Variants in NEGR1 observed in about 807,000 individuals in gnomAD.
NEGR1 encodes neuronal growth regulator 1.
Under a neutral mutation model 40.9 loss-of-function variants are expected in NEGR1, and 10 were observed. The observed-to-expected ratio is 0.24, with a 90% CI of 0.15 to 0.42. The LOEUF (loss-of-function observed/expected upper bound fraction) is 0.42, where lower values mean the gene tolerates loss of function less well. Among genes scored for constraint, NEGR1 ranks in the 10% least tolerant of loss-of-function variants. The pLI is 1.00. For synonymous variants in NEGR1, 185 were observed against 166.8 expected, an observed-to-expected ratio of 1.11 and a Z score of -0.84; for missense variants, 352 against 438.9, an observed-to-expected ratio of 0.80 and a Z score of 1.77.
chr1:71,454,818 CAA>C (rs1264053101), intron 6 of NEGR1, among the ~76,000 whole-genome samples: 1 of 152,092 alleles, frequency 6.6e-6, no homozygotes, highest in Non-Finnish European at 1.5e-5. Flanking sequence ...ATAACAAATG[CAA>C]AAAGTCTTTA....
intron 6 of NEGR1, among the ~76,000 whole-genome samples, chr1:71,564,133 C>A (rs552399971): frequency 2.6e-5 from 4 of 152,104 alleles, no homozygotes; most frequent in African/African-American, 9.6e-5. Context: ...GACTCTCAGG[C>A]CCCAGCGCAG....
At chr1:71,842,056 C>A (rs1286293454) in intron 2 of NEGR1, among the ~76,000 whole-genome samples, 1 of 152,132 alleles carries the variant, frequency 6.6e-6, no homozygotes, top group South Asian at 2.1e-4. Context: ...GCTCATTTTG[C>A]CTTGCAACTC....
chr1:71,621,838 T>C (rs193193266), intron 4 of NEGR1, among the ~76,000 whole-genome samples: 118 of 152,014 alleles, frequency 7.8e-4, no homozygotes, highest in Admixed American at 6.6e-3. Context: ...AGTCATTATA[T>C]TGTGGTATAA....
intron 1 of NEGR1, among the ~76,000 whole-genome samples, chr1:71,950,946 T>C (rs747858993): frequency 1.4e-4 from 21 of 151,970 alleles, no homozygotes; most frequent in Non-Finnish European, 2.7e-4. Flanking sequence ...CTATCACATT[T>C]TTCTTTTTGT....
intron 2 of NEGR1, among the ~76,000 whole-genome samples, chr1:71,844,469 G>A (rs1557674413): frequency 6.6e-6 from 1 of 152,128 alleles, no homozygotes; most frequent in Non-Finnish European, 1.5e-5. Flanking sequence ...GCATTTCAAA[G>A]CCATTCTTAA....
intron 1 of NEGR1, among the ~76,000 whole-genome samples, chr1:72,144,672 C>A (rs1650842178): frequency 1.3e-5 from 2 of 151,994 alleles, no homozygotes; most frequent in Admixed American, 6.6e-5. Context: ...AAGACACAAT[C>A]TCACTTCTCT....
At chr1:71,884,093 T>G (rs1477199664) in intron 2 of NEGR1, among the ~76,000 whole-genome samples, 1 of 152,130 alleles carries the variant, frequency 6.6e-6, no homozygotes, top group Non-Finnish European at 1.5e-5. Flanking sequence ...AATTGGTCAT[T>G]TTCTCCAGGG....
At chr1:71,725,666 G>A (rs1039583292) in intron 3 of NEGR1, among the ~76,000 whole-genome samples, 5 of 151,992 alleles carry the variant, frequency 3.3e-5, no homozygotes, top group African/African-American at 4.8e-5. Flanking sequence ...GCATCCTCAC[G>A]AAATCTCTGT....
chr1:71,492,833 A>G (rs528647483), intron 6 of NEGR1, among the ~76,000 whole-genome samples: 165 of 152,278 alleles, frequency 1.1e-3, no homozygotes, highest in African/African-American at 3.8e-3. Context: ...GTAAAAAATG[A>G]AAACGAAAGT....
At chr1:71,618,262 C>G (rs1289937238) in intron 4 of NEGR1, among the ~76,000 whole-genome samples, 5 of 152,108 alleles carry the variant, frequency 3.3e-5, no homozygotes, top group Admixed American at 1.3e-4. Flanking sequence ...GATCTGCGAC[C>G]CATTTGTGAA....
chr1:72,110,585 A>T (rs1649321916), intron 1 of NEGR1, among the ~76,000 whole-genome samples: 1 of 151,664 alleles, frequency 6.6e-6, no homozygotes, highest in African/African-American at 2.4e-5. Context: ...CATAAATTAA[A>T]AATACTATAA....
Position 72,259,610 on chromosome 1 carries a change from A to T in NEGR1, c.176+22709T>A, listed in dbSNP as rs550565957. 4.6e-5 allele frequency among the ~76,000 whole-genome samples: 7 copies of T among 152,230 alleles called. No homozygotes were observed. The South Asian group carries it at 1.4e-3, about 32-fold the overall frequency. ...TTAGAGAAAAAAGTTTTACTAGTGT[A>T]TTATATTCCACAGCAATGCAGTGCA... On this transcript the variant is annotated intron_variant, in intron 1 of 6. Transcript: ENST00000357731.
intron 6 of NEGR1, among the ~76,000 whole-genome samples, chr1:71,509,677 T>C (rs558272094): frequency 6.6e-6 from 1 of 152,324 alleles, no homozygotes; most frequent in East Asian, 1.9e-4. Context: ...CCAATATATA[T>C]GTTAACTCAA....
intron 4 of NEGR1, among the ~76,000 whole-genome samples, chr1:71,615,332 T>C (rs1650414432): frequency 6.6e-6 from 1 of 151,984 alleles, no homozygotes; most frequent in South Asian, 2.1e-4. Flanking sequence ...TATGAAGTGA[T>C]ACAAACTAAG....
At chr1:71,622,052 G>T (rs1014787199) in intron 4 of NEGR1, among the ~76,000 whole-genome samples, 1 of 151,918 alleles carries the variant, frequency 6.6e-6, no homozygotes, top group Non-Finnish European at 1.5e-5. Flanking sequence ...TGAAATTATA[G>T]CTTGAAATAG....
At chr1:71,825,949 G>A (rs1285245475) in intron 2 of NEGR1, among the ~76,000 whole-genome samples, 3 of 151,698 alleles carry the variant, frequency 2.0e-5, no homozygotes, top group Admixed American at 6.6e-5. Flanking sequence ...TTCTTACATC[G>A]TTTTACCTGT....
At chr1:72,245,016 A>T (rs1654860245) in intron 1 of NEGR1, among the ~76,000 whole-genome samples, 1 of 152,074 alleles carries the variant, frequency 6.6e-6, no homozygotes, top group African/African-American at 2.4e-5. Context: ...CGTAAAGAGC[A>T]TGTATTTATA....
At chr1:71,715,460 T>C (rs1654241939) in intron 3 of NEGR1, among the ~76,000 whole-genome samples, 1 of 152,202 alleles carries the variant, frequency 6.6e-6, no homozygotes, top group Admixed American at 6.5e-5. Flanking sequence ...TTATAAGGCT[T>C]CAAATTTCCC....
intron 2 of NEGR1, among the ~76,000 whole-genome samples, chr1:71,895,358 G>C (rs748740294): frequency 6.6e-6 from 1 of 152,048 alleles, no homozygotes; most frequent in African/African-American, 2.4e-5. Context: ...CATTTTGTGT[G>C]CACAATTCAA....
Sources: gnomAD v4.1 joint callset for allele counts (sites outside exome capture counted in the v4.1 genomes callset) on GRCh38, gnomAD v4.1.1 for gene constraint, MANE v1.5 for transcripts, NCBI Gene and HGNC (gene_info 2026-07-23, HGNC 2026-07-21) for gene names.